Variants in DNMT1 observed in about 807,000 individuals in gnomAD.
The protein encoded by DNMT1 is DNA methyltransferase 1.
Under a neutral mutation model 205.3 loss-of-function variants are expected in DNMT1, and 24 were observed. The observed-to-expected ratio is 0.12, with a 90% CI of 0.08 to 0.16. DNMT1 has a LOEUF of 0.16. Among genes scored for constraint, DNMT1 ranks in the 10% least tolerant of loss-of-function variants. The pLI is 1.00. For synonymous variants in DNMT1, 817 were observed against 839.8 expected, an observed-to-expected ratio of 0.97 and a Z score of 0.47; for missense variants, 1,293 against 2,177.7, an observed-to-expected ratio of 0.59 and a Z score of 8.09.
chr19:10,144,122 G>A (rs2089654460), intron 28 of DNMT1, 135 bp from the exon 29 acceptor site: 3 of 930,674 alleles, frequency 3.2e-6, no homozygotes, highest in Admixed American at 2.0e-5. Flanking sequence ...CCTAAGAAAT[G>A]ATTTAGGCTG....
At chr19:10,171,268 A>T (rs1335708751) in intron 9 of DNMT1, among the ~76,000 whole-genome samples, 1 of 152,210 alleles carries the variant, frequency 6.6e-6, no homozygotes, top group Non-Finnish European at 1.5e-5. Context: ...TGTCTGGATG[A>T]TGCTAAAGAA....
chr19:10,139,534 T>C lies in DNMT1; in HGVS notation c.3948+142A>G, dbSNP rs984894555. 1.4e-5 allele frequency: 19 copies of C among 1,406,354 alleles called. No homozygotes were observed. The Admixed American group carries it at 3.8e-4, about 28-fold the overall frequency. The allele number at this position is 1,406,354 out of a possible 1,614,324, so 87.1% of individuals were successfully genotyped here. On this transcript the variant is annotated intron_variant, in intron 34 of 40. Transcript: ENST00000359526. Reference sequence around the variant, plus strand: ...CACGCATCTCCCCTGACTCCGCCAGTGGGACAGAGCACCATGCCAGCCTCT... The same window carrying C: ...CACGCATCTCCCCTGACTCCGCCAGCGGGACAGAGCACCATGCCAGCCTCT...
chr19:10,145,475 CGTT>C lies in DNMT1; in HGVS notation c.2894+873_2894+875del, dbSNP rs543942494. 2.1e-3 allele frequency among the ~76,000 whole-genome samples: 299 copies of C among 142,042 alleles called. 1 individual carries two copies. The highest frequency in any genetic ancestry group is 7.0e-3 in the African/African-American group (291 of 41,342). 93.2% of individuals were successfully genotyped at this position (142,042 alleles called of 152,430 possible). On this transcript the variant is annotated intron_variant, in intron 28 of 40. Transcript: ENST00000359526. ...GTGAGCCGGGAAGGCATCTGGAAAA[CGTT>C]GGCTGTAATTCCAACCACACGCTGA... is the stretch of plus-strand genomic sequence containing the variant.
chr19:10,165,976 T>C (rs567000618), intron 11 of DNMT1, among the ~76,000 whole-genome samples: 34 of 152,138 alleles, frequency 2.2e-4, no homozygotes, highest in African/African-American at 7.2e-4. Flanking sequence ...ACTCTCTAGA[T>C]TGTAACAGGC....
chr19:10,179,475 C>A (rs917974782), intron 5 of DNMT1, among the ~76,000 whole-genome samples: 4 of 152,048 alleles, frequency 2.6e-5, no homozygotes, highest in African/African-American at 9.7e-5. Context: ...CTCAGGTGAT[C>A]CAGCCACCTT....
chr19:10,175,124 CACACAT>C (rs768350038), intron 7 of DNMT1, among the ~76,000 whole-genome samples: 4,591 of 114,868 alleles, frequency 0.04, 72 homozygotes, highest in South Asian at 0.079. Context: ...CACACACACA[CACACAT>C]ATATATAACA....
Position 10,139,944 on chromosome 19 carries a change from T to G in DNMT1, c.3806+102A>C, listed in dbSNP as rs1348930416. 1.9e-6 allele frequency: 3 copies of G among 1,593,022 alleles called. No individual in the cohort carries two copies. In the East Asian group the frequency reaches 6.7e-5, roughly 36 times the overall value. ...CCTGGTGAGAGCTGAGCTGTGAGCT[T>G]CCGGGGGGCAGAGGCCTCAGTGCAG... On this transcript the variant is annotated intron_variant, in intron 33 of 40. Transcript: ENST00000359526.
intron 11 of DNMT1, among the ~76,000 whole-genome samples, chr19:10,164,724 T>G (rs1401474869): frequency 6.6e-6 from 1 of 151,716 alleles, no homozygotes; most frequent in Non-Finnish European, 1.5e-5. Context: ...GATCAGGAGT[T>G]AGAGACCAGC....
rs753896149 is a variant in DNMT1 at position 10,154,856 on chromosome 19, G to T, written c.1644+49C>A. The T allele has an allele frequency of 3.1e-6, 5 of 1,614,194 alleles. No individual in the cohort carries two copies. Among genetic ancestry groups the T allele is most frequent in the African/African-American group, 1.3e-5 (1 of 75,040 alleles). On this transcript the variant is annotated intron_variant, in intron 20 of 40. Transcript: ENST00000359526. The surrounding 1 kb of genome is among the most constrained non-coding windows in gnomAD (Gnocchi z 6.3). ...AGAACAGTGTCTGCTGGTTCTGAAG[G>T]CAAGTTTCCAGTGGGAATCCCGGAT...
At chr19:10,161,078 G>A (rs1407963555) in intron 13 of DNMT1, among the ~76,000 whole-genome samples, 4 of 151,964 alleles carry the variant, frequency 2.6e-5, no homozygotes, top group Non-Finnish European at 4.4e-5. Flanking sequence ...AGACCGAGGC[G>A]GATGGATCAC....
At chr19:10,181,219 G>C (rs2039039372) in intron 2 of DNMT1, among the ~76,000 whole-genome samples, 1 of 152,156 alleles carries the variant, frequency 6.6e-6, no homozygotes, top group African/African-American at 2.4e-5. Flanking sequence ...GCCGAGGCAA[G>C]TGGATTGCTT....
At chr19:10,150,330 C>A (rs975654207) in intron 24 of DNMT1, among the ~76,000 whole-genome samples, 1 of 152,224 alleles carries the variant, frequency 6.6e-6, no homozygotes, top group African/African-American at 2.4e-5. Context: ...CTGGCTCAAG[C>A]CACTCCAGCT....
rs970149883 is a variant in DNMT1, at chr19:10,138,969, G to C, written c.3949-364C>G. 3.5e-4 allele frequency among the ~76,000 whole-genome samples: 54 copies of C among 152,208 alleles called. No homozygotes were observed. The highest frequency in any genetic ancestry group is 1.2e-3 in the African/African-American group (51 of 41,450). ...GGCTGTGGTCACAAGGACAGAGAACGTGGCTGCAACAAGTCTTGTCTGGTG... is the reference window on the plus strand; with the variant it reads ...GGCTGTGGTCACAAGGACAGAGAACCTGGCTGCAACAAGTCTTGTCTGGTG... On this transcript the variant is annotated intron_variant, in intron 34 of 40. Coordinates refer to ENST00000359526, the MANE Select transcript of DNMT1 (RefSeq NM_001130823.3). The surrounding 1 kb of genome is among the most constrained non-coding windows in gnomAD (Gnocchi z 4.1).
At chr19:10,166,571 G>A (rs747890588) in intron 11 of DNMT1, 27 bp downstream of exon 11, 4 of 1,613,728 alleles carry the variant, frequency 2.5e-6, no homozygotes, top group Non-Finnish European at 3.4e-6. Context: ...ATGAGGGGGA[G>A]TTCAGAAACA....
intron 6 of DNMT1, 36 bp from the exon 7 acceptor site, chr19:10,175,654 A>G: frequency 6.2e-7 from 1 of 1,609,622 alleles, no homozygotes; most frequent in South Asian, 1.1e-5. Flanking sequence ...TTAGTGGAAC[A>G]AGACCCTAGG....
rs975294757 is a variant in DNMT1 at position 10,156,564 on chromosome 19, G to A, written c.1281-55C>T. On this transcript the variant is annotated intron_variant, in intron 17 of 40. Coordinates refer to ENST00000359526, the MANE Select transcript of DNMT1 (RefSeq NM_001130823.3). This position sits in a 1 kb window ranked among gnomAD's most constrained non-coding sequence, Gnocchi z 4.2. Reference sequence around the variant, plus strand: ...AGCTAAGCCGTGAAGGCGGGTCTTCGTGCAGACTTCAGATCAGGCACGAGG... The same window carrying A: ...AGCTAAGCCGTGAAGGCGGGTCTTCATGCAGACTTCAGATCAGGCACGAGG... 1.9e-5 allele frequency: 26 copies of A among 1,336,080 alleles called. No homozygotes were observed. Among genetic ancestry groups the A allele is most frequent in the Non-Finnish European group, 2.6e-5 (24 of 928,422 alleles). The allele number at this position is 1,336,080 out of a possible 1,614,324, so 82.8% of individuals were successfully genotyped here.
chr19:10,134,096 C>T lies in DNMT1; in HGVS notation c.4864+121G>A, dbSNP rs550891515. ...CAGCCCCTTGAGAAAGATGGGGCCA[C>T]GAACGTGGGTAGGTGACCCGCCTGA... On this transcript the variant is annotated intron_variant, in intron 40 of 40. Coordinates refer to ENST00000359526, the MANE Select transcript of DNMT1 (RefSeq NM_001130823.3). 7.0e-6 allele frequency: 7 copies of T among 998,464 alleles called. No homozygotes were observed. The East Asian group carries it at 9.7e-5, about 14-fold the overall frequency. 61.9% of individuals were successfully genotyped at this position (998,464 alleles called of 1,614,324 possible). A position where few individuals can be genotyped will look rare whatever the true frequency, so the allele number is the denominator to read the frequency against.
rs1054710923 is a variant in DNMT1, at chr19:10,154,508, G to C, written c.1833-29C>G. On this transcript the variant is annotated intron_variant, in intron 21 of 40. Coordinates refer to ENST00000359526, the MANE Select transcript of DNMT1 (RefSeq NM_001130823.3). The surrounding 1 kb of genome is among the most constrained non-coding windows in gnomAD (Gnocchi z 6.3). ...CGGGAGAGGTTCCAGCATCTCAGAG[G>C]ACTGGGACAGAGGATGTGGGCCATG... 5 of 1,613,978 alleles carry C rather than the reference G, an allele frequency of 3.1e-6. No homozygotes were observed. The African/African-American group carries it at 6.7e-5, about 22-fold the overall frequency.
At chr19:10,175,102 C>T (rs1288411282) in intron 7 of DNMT1, among the ~76,000 whole-genome samples, 4 of 127,740 alleles carry the variant, frequency 3.1e-5, no homozygotes, top group South Asian at 2.8e-4. Context: ...CACACACACA[C>T]ACACACACAC....
Sources: gnomAD v4.1 joint callset for allele counts (sites outside exome capture counted in the v4.1 genomes callset) on GRCh38, gnomAD v4.1.1 for gene constraint, Gnocchi (gnomAD v3.1) non-coding constraint, MANE v1.5 for transcripts, NCBI Gene and HGNC (gene_info 2026-07-23, HGNC 2026-07-21) for gene names.